The following GSK3B variants were observed in gnomAD, a reference collection of about 807,000 sequenced individuals.
The protein encoded by GSK3B is glycogen synthase kinase 3 beta.
GSK3B carries 15 observed loss-of-function variants against 56.4 expected under a neutral mutation model. That is an observed-to-expected ratio of 0.27 (90% CI 0.18 to 0.41). The LOEUF (loss-of-function observed/expected upper bound fraction) is 0.41, where lower values mean the gene tolerates loss of function less well. Among genes scored for constraint, GSK3B ranks in the 10% least tolerant of loss-of-function variants. GSK3B has a pLI of 1.00. For synonymous variants in GSK3B, 181 were observed against 188.9 expected, an observed-to-expected ratio of 0.96 and a Z score of 0.34; for missense variants, 300 against 513.4, an observed-to-expected ratio of 0.58 and a Z score of 4.02.
chr3:119,987,138 G>C (rs2107460946), intron 2 of GSK3B, among the ~76,000 whole-genome samples: 1 of 152,256 alleles, frequency 6.6e-6, no homozygotes, highest in African/African-American at 2.4e-5. Context: ...AGATCACTTG[G>C]ACACAGGGCA....
chr3:120,047,072 T>C (rs2058109903), intron 1 of GSK3B, among the ~76,000 whole-genome samples: 2 of 152,218 alleles, frequency 1.3e-5, no homozygotes, highest in Admixed American at 1.3e-4. Context: ...GAACCTAAGT[T>C]TGAACTAAAA....
Position 119,863,446 on chromosome 3 carries a change from G to A in GSK3B, c.1069C>T (p.Pro357Ser). ...NVKLPNGRDT[P>S]ALFNFTTQEL... is the part of the protein sequence containing the mutation. Reference sequence around the variant, plus strand: ...TGAGTGGTGAAGTTGAAGAGTGCAGGTGTGTCTCGCCCATTTGGTAGTTTG... The same window carrying A: ...TGAGTGGTGAAGTTGAAGAGTGCAGATGTGTCTCGCCCATTTGGTAGTTTG... Residue 357 changes from proline to serine, a missense_variant, in exon 9 of 11, where the codon CCT becomes TCT. Transcript: ENST00000264235. 1 of 1,613,936 alleles carries A rather than the reference G, an allele frequency of 6.2e-7. No homozygotes were observed. Among genetic ancestry groups the A allele is most frequent in the Non-Finnish European group, 8.5e-7 (1 of 1,179,846 alleles).
intron 7 of GSK3B, among the ~76,000 whole-genome samples, chr3:119,883,829 A>G (rs1025671281): frequency 6.6e-6 from 1 of 152,180 alleles, no homozygotes; most frequent in Non-Finnish European, 1.5e-5. Flanking sequence ...GCTGGAAGGT[A>G]AACAATTTCA....
intron 1 of GSK3B, among the ~76,000 whole-genome samples, chr3:120,021,759 G>C (rs1332997259): frequency 6.6e-6 from 1 of 152,180 alleles, no homozygotes; most frequent in Non-Finnish European, 1.5e-5. Context: ...CAAAGAAAGT[G>C]ATTTCTTGAG....
At chr3:119,861,300 CAGG>C (rs1276675546) in intron 9 of GSK3B, among the ~76,000 whole-genome samples, 1 of 152,030 alleles carries the variant, frequency 6.6e-6, no homozygotes, top group Non-Finnish European at 1.5e-5. Context: ...CACCTGAGGT[CAGG>C]AGTTTAAAAC....
At chr3:119,860,233 T>C (rs1443202269) in intron 9 of GSK3B, among the ~76,000 whole-genome samples, 2 of 152,176 alleles carry the variant, frequency 1.3e-5, no homozygotes, top group East Asian at 3.8e-4. Flanking sequence ...CTGATCCTTA[T>C]TGGGCTTTCC....
intron 1 of GSK3B, among the ~76,000 whole-genome samples, chr3:120,022,033 T>C (rs2057882985): frequency 6.6e-6 from 1 of 152,136 alleles, no homozygotes; most frequent in African/African-American, 2.4e-5. Context: ...CCCATCTCTA[T>C]TAAAAACTAA....
intron 5 of GSK3B, among the ~76,000 whole-genome samples, chr3:119,913,128 A>C (rs1357465060): frequency 1.3e-5 from 2 of 152,076 alleles, no homozygotes; most frequent in African/African-American, 2.4e-5. Context: ...AAATACAAAG[A>C]AGCAAGGGCA....
chr3:120,062,091 T>C (rs1396446509), intron 1 of GSK3B, among the ~76,000 whole-genome samples: 3 of 152,232 alleles, frequency 2.0e-5, no homozygotes, highest in Admixed American at 1.3e-4. Flanking sequence ...AGCAACTAAG[T>C]ATTGCATTTC....
In GSK3B at chr3:120,008,612, G is replaced by T. The variant is rs2057750330; in HGVS notation, c.89-6373C>A. Among the ~76,000 whole-genome samples, 3 of 152,166 alleles carry T rather than the reference G, an allele frequency of 2.0e-5. No homozygotes were observed. The South Asian group carries it at 6.2e-4, about 32-fold the overall frequency. On this transcript the variant is annotated intron_variant, in intron 1 of 10. Transcript: ENST00000264235. Reference sequence around the variant, plus strand: ...TGACACGCACAGGCAATGGGGAAAAGATTCCCTATTTAATAAATGGTGCTG... The same window carrying T: ...TGACACGCACAGGCAATGGGGAAAATATTCCCTATTTAATAAATGGTGCTG...
At chr3:119,933,173 C>T (rs2056963623) in intron 3 of GSK3B, among the ~76,000 whole-genome samples, 1 of 152,092 alleles carries the variant, frequency 6.6e-6, no homozygotes, top group African/African-American at 2.4e-5. Context: ...AATGCTCAGC[C>T]TCACTCATAA....
chr3:119,963,315 C>T (rs1210125441), intron 2 of GSK3B, among the ~76,000 whole-genome samples: 1 of 152,064 alleles, frequency 6.6e-6, no homozygotes, highest in Non-Finnish European at 1.5e-5. Context: ...ATCCTAAAGA[C>T]ATTTTTTACA....
chr3:120,012,812 T>C (rs1335841981), intron 1 of GSK3B, among the ~76,000 whole-genome samples: 1 of 152,142 alleles, frequency 6.6e-6, no homozygotes, highest in African/African-American at 2.4e-5. Context: ...TAGTTAACAC[T>C]AGAGGCACAA....
chr3:119,953,300 G>A (rs1280453600), intron 2 of GSK3B, among the ~76,000 whole-genome samples: 1 of 151,944 alleles, frequency 6.6e-6, no homozygotes, highest in African/African-American at 2.4e-5. Flanking sequence ...TAACATGAGA[G>A]ATATAGAAAA....
At chr3:120,041,337 TG>T in intron 1 of GSK3B, 1 of 310,030 alleles carries the variant, frequency 3.2e-6, no homozygotes. Context: ...TTATTGTAGT[TG>T]GGCCAGTGCT....
chr3:119,904,805 A>T (rs978922568), intron 7 of GSK3B, among the ~76,000 whole-genome samples: 4 of 152,152 alleles, frequency 2.6e-5, no homozygotes, highest in African/African-American at 7.2e-5. Context: ...TGTACATTGG[A>T]CAACATGACC....
intron 1 of GSK3B, among the ~76,000 whole-genome samples, chr3:120,023,706 C>T (rs1372713165): frequency 6.6e-6 from 1 of 152,054 alleles, no homozygotes; most frequent in Non-Finnish European, 1.5e-5. Context: ...CCAATATCCA[C>T]TAAAGAGTAA....
intron 7 of GSK3B, among the ~76,000 whole-genome samples, chr3:119,904,004 C>G (rs897528808): frequency 7.2e-5 from 11 of 152,024 alleles, no homozygotes; most frequent in Admixed American, 5.2e-4. Context: ...AAAGTACTAA[C>G]TTTGAACATC....
At chr3:119,847,314 A>T (rs952244430) in intron 9 of GSK3B, among the ~76,000 whole-genome samples, 4 of 124,702 alleles carry the variant, frequency 3.2e-5, no homozygotes, top group South Asian at 2.3e-4. Context: ...GAATAAGTTT[A>T]AAAAAAAATA....
Sources: gnomAD v4.1 joint callset for allele counts (sites outside exome capture counted in the v4.1 genomes callset) on GRCh38, gnomAD v4.1.1 for gene constraint, MANE v1.5 for transcripts, NCBI Gene and HGNC (gene_info 2026-07-23, HGNC 2026-07-21) for gene names.